Variants in CPNE4 observed in about 807,000 individuals in gnomAD.
CPNE4 encodes copine 4.
Under a neutral mutation model 67.9 loss-of-function variants are expected in CPNE4, and 25 were observed. The observed-to-expected ratio is 0.37, with a 90% confidence interval of 0.27 to 0.51. CPNE4 has a LOEUF of 0.51. Among genes scored for constraint, CPNE4 ranks in the 20% least tolerant of loss-of-function variants. The pLI is 0.93. For synonymous variants in CPNE4, 242 were observed against 244.9 expected (o/e 0.99, Z 0.11); for missense variants, 464 against 690.8 (o/e 0.67, Z 3.68).
intron 7 of CPNE4, among the ~76,000 whole-genome samples, chr3:131,627,125 A>G (rs7633841): frequency 0.27 from 40,577 of 149,130 alleles, 9,153 homozygotes; most frequent in African/African-American, 0.63. Flanking sequence ...CCCGGGAGGC[A>G]GAGGTTGCAG....
chr3:131,745,782 G>A (rs768005293), intron 2 of CPNE4, among the ~76,000 whole-genome samples: 14 of 152,090 alleles, frequency 9.2e-5, no homozygotes, highest in Admixed American at 2.6e-4. Flanking sequence ...GTTCCACACA[G>A]TCTTGATTAC....
intron 1 of CPNE4, among the ~76,000 whole-genome samples, chr3:131,944,223 C>CT (rs57090639): frequency 0.016 from 2,439 of 148,736 alleles, 47 homozygotes; most frequent in South Asian, 0.072. Flanking sequence ...TCCTCTCTCT[C>CT]TTTTTTTTTT....
chr3:131,934,525 T>C (rs544425922), intron 1 of CPNE4, among the ~76,000 whole-genome samples: 51 of 152,188 alleles, frequency 3.4e-4, no homozygotes, highest in Non-Finnish European at 6.8e-4. Flanking sequence ...CAACCCATCA[T>C]CTACATTAGG....
chr3:131,560,283 A>G (rs1936692253), intron 11 of CPNE4, among the ~76,000 whole-genome samples: 1 of 152,082 alleles, frequency 6.6e-6, no homozygotes, highest in Non-Finnish European at 1.5e-5. Flanking sequence ...TCTTATGACA[A>G]CAGAGGTAGC....
At chr3:131,574,933 C>A (rs1019564478) in intron 10 of CPNE4, 138 bp downstream of exon 10, 9 of 679,216 alleles carry the variant, frequency 1.3e-5, no homozygotes, top group Non-Finnish European at 2.1e-5. Context: ...CGATACCATA[C>A]GCTTCAACAA....
chr3:131,671,544 T>C (rs1184035910), intron 6 of CPNE4, among the ~76,000 whole-genome samples: 1 of 151,946 alleles, frequency 6.6e-6, no homozygotes, highest in Non-Finnish European at 1.5e-5. Context: ...TTGTATCTAC[T>C]GAGAAAGCAA....
intron 2 of CPNE4, among the ~76,000 whole-genome samples, chr3:131,864,493 T>C (rs2086846601): frequency 6.6e-6 from 1 of 152,140 alleles, no homozygotes; most frequent in Non-Finnish European, 1.5e-5. Flanking sequence ...TCACTCATGA[T>C]TTGGCTCTCT....
At chr3:131,769,264 T>C (rs904200165) in intron 2 of CPNE4, among the ~76,000 whole-genome samples, 3 of 152,140 alleles carry the variant, frequency 2.0e-5, no homozygotes, top group South Asian at 4.1e-4. Flanking sequence ...GAAATACTAC[T>C]GGTGGTTGTT....
At chr3:131,720,556 T>C (rs1251775388) in intron 3 of CPNE4, among the ~76,000 whole-genome samples, 1 of 152,140 alleles carries the variant, frequency 6.6e-6, no homozygotes, top group African/African-American at 2.4e-5. Flanking sequence ...AGTGCTGGGA[T>C]TACAGGCGTG....
chr3:132,025,372 T>A (rs1473137265), intron 1 of CPNE4, among the ~76,000 whole-genome samples: 1 of 152,130 alleles, frequency 6.6e-6, no homozygotes, highest in African/African-American at 2.4e-5. Flanking sequence ...GCTGGAACCA[T>A]TAGAAACAGA....
intron 2 of CPNE4, among the ~76,000 whole-genome samples, chr3:131,893,227 G>A (rs1485084451): frequency 6.6e-6 from 1 of 150,528 alleles, no homozygotes; most frequent in Admixed American, 6.6e-5. Flanking sequence ...TGTAAAAAGA[G>A]ACAAAGAAGA....
chr3:131,729,557 A>G (rs1253025018), intron 2 of CPNE4, among the ~76,000 whole-genome samples: 2 of 152,232 alleles, frequency 1.3e-5, no homozygotes, highest in Non-Finnish European at 2.9e-5. Flanking sequence ...CAAGTTGCAG[A>G]TCTCAAAATC....
At chr3:132,017,270 G>A (rs1417900011) in intron 1 of CPNE4, among the ~76,000 whole-genome samples, 12 of 152,080 alleles carry the variant, frequency 7.9e-5, no homozygotes, top group Admixed American at 5.9e-4. Context: ...AGAAAGTGGA[G>A]ACGAGAAGGG....
intron 1 of CPNE4, among the ~76,000 whole-genome samples, chr3:131,929,231 C>T (rs1225035): frequency 0.75 from 110,575 of 146,994 alleles, 42,109 homozygotes; most frequent in African/African-American, 0.84. Context: ...TTTTCAGATC[C>T]TGTGTTAGAA....
intron 15 of CPNE4, among the ~76,000 whole-genome samples, chr3:131,540,854 T>A (rs2107627106): frequency 6.6e-6 from 1 of 152,292 alleles, no homozygotes; most frequent in South Asian, 2.1e-4. Context: ...CAGGGGTCTT[T>A]GAGATGTGGA....
At chr3:132,012,155 G>C (rs948285862) in intron 1 of CPNE4, among the ~76,000 whole-genome samples, 1 of 143,162 alleles carries the variant, frequency 7.0e-6, no homozygotes, top group African/African-American at 2.5e-5. Context: ...TTCCAGTAAA[G>C]CTTTCTTTTG....
At chr3:131,983,599 TG>T (rs2072965737) in intron 1 of CPNE4, among the ~76,000 whole-genome samples, 2 of 152,174 alleles carry the variant, frequency 1.3e-5, no homozygotes. Context: ...ATTTATAAAG[TG>T]GTAGGCACAC....
At position 131,725,430 on chromosome 3, in the gene CPNE4, T is replaced by G. The variant is rs76506364; in HGVS notation, c.181-1805A>C. ...ATACAGAAAACCAATCTCCAGCCCA[T>G]TGCTGACTAGAATTTTACAAGTTAC... is the stretch of plus-strand genomic sequence containing the variant. On this transcript the variant is annotated intron_variant, in intron 2 of 15. Transcript: ENST00000429747. 5.9e-4 allele frequency among the ~76,000 whole-genome samples: 90 copies of G among 152,320 alleles called. No homozygotes were observed. In the East Asian group the frequency reaches 0.014, roughly 24 times the overall value.
chr3:131,610,699 A>T (rs1939785743), intron 7 of CPNE4, among the ~76,000 whole-genome samples: 1 of 151,990 alleles, frequency 6.6e-6, no homozygotes, highest in African/African-American at 2.4e-5. Context: ...CCACTCTCCT[A>T]TCCGTTATTT....
Sources: allele counts gnomAD v4.1 joint callset (sites outside exome capture counted in the v4.1 genomes callset), GRCh38; gene constraint gnomAD v4.1.1; transcripts MANE v1.5; gene names NCBI Gene and HGNC (gene_info 2026-07-23, HGNC 2026-07-21).